Variants in CASQ2 observed in about 807,000 individuals in gnomAD.
CASQ2 encodes calsequestrin-2.
CASQ2 carries 49 observed loss-of-function variants against 46.5 expected under a neutral mutation model. The observed-to-expected ratio is 1.05, with a 90% CI of 0.84 to 1.34. The LOEUF is 1.34. Among genes scored for constraint, CASQ2 ranks in the 40% most tolerant of loss-of-function variants. The pLI is 0.00. For synonymous variants in CASQ2, 174 were observed against 168.5 expected, an observed-to-expected ratio of 1.03 and a Z score of -0.25; for missense variants, 486 against 481.3, an observed-to-expected ratio of 1.01 and a Z score of -0.09.
intron 7 of CASQ2, among the ~76,000 whole-genome samples, chr1:115,724,384 T>C (rs1233782132): frequency 2.6e-5 from 4 of 151,966 alleles, no homozygotes; most frequent in Middle Eastern, 3.2e-3. Context: ...CTCACTGAAG[T>C]CTCAAGCTGC....
Position 115,701,056 on chromosome 1 carries a change from G to A in CASQ2, c.*185C>T. The A allele has an allele frequency of 3.6e-6, 3 of 822,246 alleles. No individual in the cohort carries two copies. Among genetic ancestry groups the A allele is most frequent in the South Asian group, 3.0e-5 (2 of 67,700 alleles). 50.9% of individuals were successfully genotyped at this position (822,246 alleles called of 1,614,324 possible). A position where few individuals can be genotyped will look rare whatever the true frequency, so the allele number is the denominator to read the frequency against. The stretch of plus-strand genomic sequence containing the variant: ...TCTCCTGTCCCTGCTAAGTGGGATT[G>A]CTGCATTTGAAAAGGCATTTGCTGA... On this transcript the variant is annotated 3_prime_UTR_variant, in exon 11 of 11. Transcript: ENST00000261448.
At chr1:115,724,067 T>A (rs1032267269) in intron 7 of CASQ2, among the ~76,000 whole-genome samples, 1 of 152,188 alleles carries the variant, frequency 6.6e-6, no homozygotes, top group African/African-American at 2.4e-5. Context: ...ATTAAACAGA[T>A]AAATACTTCC....
At chr1:115,761,268 G>A (rs887794827) in intron 1 of CASQ2, among the ~76,000 whole-genome samples, 1 of 146,440 alleles carries the variant, frequency 6.8e-6, no homozygotes, top group Non-Finnish European at 1.5e-5. Flanking sequence ...ATGATGGTGG[G>A]CACCTGTAAT....
At chr1:115,728,326 A>G (rs1647665704) in intron 5 of CASQ2, among the ~76,000 whole-genome samples, 1 of 152,192 alleles carries the variant, frequency 6.6e-6, no homozygotes, top group Non-Finnish European at 1.5e-5. Context: ...AGGGAGAGAA[A>G]TTCCAGCATC....
intron 3 of CASQ2, 142 bp from the exon 4 acceptor site, chr1:115,738,477 C>T (rs1648041892): frequency 1.4e-6 from 1 of 715,956 alleles, no homozygotes; most frequent in African/African-American, 1.7e-5. Flanking sequence ...CCACAATCCC[C>T]CAGTGAGCAT....
chr1:115,736,164 GAA>G (rs61418355), intron 4 of CASQ2, among the ~76,000 whole-genome samples: 14 of 98,834 alleles, frequency 1.4e-4, no homozygotes, highest in East Asian at 6.1e-4. Flanking sequence ...ACTCCATCCC[GAA>G]AAAAAAAAAA....
At chr1:115,709,571 G>A (rs1009675100) in intron 8 of CASQ2, among the ~76,000 whole-genome samples, 20 of 152,166 alleles carry the variant, frequency 1.3e-4, no homozygotes, top group African/African-American at 4.6e-4. Context: ...ACTATTCTCT[G>A]CAGTTATCAG....
intron 8 of CASQ2, among the ~76,000 whole-genome samples, chr1:115,707,848 C>A (rs1466730832): frequency 1.3e-5 from 2 of 152,110 alleles, no homozygotes; most frequent in Non-Finnish European, 2.9e-5. Context: ...GGATGAAATG[C>A]AAAAACACAG....
At chr1:115,750,619 C>T (rs1181725826) in intron 1 of CASQ2, among the ~76,000 whole-genome samples, 1 of 152,114 alleles carries the variant, frequency 6.6e-6, no homozygotes, top group Non-Finnish European at 1.5e-5. Flanking sequence ...AGCAATCCTC[C>T]CACCTCAGTC....
At chr1:115,714,327 T>A (rs1654635417) in intron 8 of CASQ2, among the ~76,000 whole-genome samples, 1 of 152,194 alleles carries the variant, frequency 6.6e-6, no homozygotes, top group Non-Finnish European at 1.5e-5. Flanking sequence ...AATCTTGGCT[T>A]AGGTATAGTG....
At chr1:115,720,438 G>A (rs755485317) in intron 7 of CASQ2, among the ~76,000 whole-genome samples, 28 of 151,984 alleles carry the variant, frequency 1.8e-4, no homozygotes, top group Admixed American at 6.6e-4. Flanking sequence ...ATTACCTTGG[G>A]GGCTATGATT....
intron 1 of CASQ2, among the ~76,000 whole-genome samples, chr1:115,764,106 A>G (rs1649050031): frequency 6.6e-6 from 1 of 152,232 alleles, no homozygotes; most frequent in South Asian, 2.1e-4. Context: ...TTATGAAAGA[A>G]AAAATACATA....
At chr1:115,745,371 C>T (rs1648353301) in intron 1 of CASQ2, among the ~76,000 whole-genome samples, 1 of 116,746 alleles carries the variant, frequency 8.6e-6, no homozygotes, top group African/African-American at 2.5e-5. Context: ...GCTCAATTCC[C>T]CCACTCCTGG....
intron 5 of CASQ2, among the ~76,000 whole-genome samples, chr1:115,730,118 C>T (rs942912906): frequency 5.9e-5 from 9 of 152,174 alleles, no homozygotes; most frequent in African/African-American, 1.7e-4. Context: ...CCTCCACACC[C>T]TTTAAAATTC....
intron 5 of CASQ2, among the ~76,000 whole-genome samples, chr1:115,727,577 C>G (rs1647639241): frequency 6.6e-6 from 1 of 152,200 alleles, no homozygotes; most frequent in African/African-American, 2.4e-5. Context: ...AGAACCCAAC[C>G]CATTAGCCTG....
rs141610764 is a variant in CASQ2, at chr1:115,765,956, C to T, written c.234+2352G>A. On this transcript the variant is annotated intron_variant, in intron 1 of 10. Coordinates refer to ENST00000261448, the MANE Select transcript of CASQ2 (RefSeq NM_001232.4). ...TTTGACCATGAAGAAAGTTTAAAGG[C>T]ATGTTCGCTCTTTCCACTCATGGAC... is the stretch of plus-strand genomic sequence containing the variant. Among the ~76,000 whole-genome samples the T allele has an allele frequency of 4.1e-3, 632 of 152,356 alleles. 3 individuals carry two copies. Among genetic ancestry groups the T allele is most frequent in the African/African-American group, 0.015 (609 of 41,580 alleles).
Position 115,736,636 on chromosome 1 carries a change from C to CA in CASQ2, c.532+1587dup, listed in dbSNP as rs950818033. Among the ~76,000 whole-genome samples, 24 of 151,468 alleles carry CA rather than the reference C, an allele frequency of 1.6e-4. 1 individual carries two copies. The highest frequency in any genetic ancestry group is 6.6e-4 in the Admixed American group (10 of 15,204). On this transcript the variant is annotated intron_variant, in intron 4 of 10. Coordinates refer to ENST00000261448, the MANE Select transcript of CASQ2 (RefSeq NM_001232.4). Reference sequence around the variant, plus strand: ...TAGGCAACAGAGCAAAACTAGGTCTCAAAAAAAAGCTATATTCTTGAGGCA... The same window carrying CA: ...TAGGCAACAGAGCAAAACTAGGTCTCAAAAAAAAAGCTATATTCTTGAGGCA...
In CASQ2 at chr1:115,725,495, G is replaced by T. The variant is rs1393302823; in HGVS notation, c.783+13C>A. ...CATCTCTACAAGGCAAAGAGAGTTT[G>T]CCTCTTTCTTACCCATGTTTCAAAC... On this transcript the variant is annotated intron_variant, in intron 7 of 10. Coordinates refer to ENST00000261448, the MANE Select transcript of CASQ2 (RefSeq NM_001232.4). The T allele has an allele frequency of 2.5e-6, 4 of 1,605,224 alleles. No individual in the cohort carries two copies. The highest frequency in any genetic ancestry group is 1.7e-5 in the Admixed American group (1 of 58,864).
intron 4 of CASQ2, among the ~76,000 whole-genome samples, chr1:115,733,270 G>T (rs554392484): frequency 1.3e-5 from 2 of 152,042 alleles, no homozygotes; most frequent in African/African-American, 4.8e-5. Flanking sequence ...AGAAAAAGAC[G>T]CGTAAAACTC....
Sources: allele counts gnomAD v4.1 joint callset (sites outside exome capture counted in the v4.1 genomes callset), GRCh38; gene constraint gnomAD v4.1.1; transcripts MANE v1.5; gene names NCBI Gene and HGNC (gene_info 2026-07-23, HGNC 2026-07-21).